Variants in DSCAM observed in about 807,000 individuals in gnomAD.
DSCAM encodes DS cell adhesion molecule, also known as cell adhesion molecule DSCAM.
A neutral mutation model predicts 217.7 loss-of-function variants in DSCAM; 47 were observed. The ratio of observed to expected loss-of-function variants is 0.22; its 90% CI spans 0.17 to 0.28. The LOEUF is 0.28. Among genes scored for constraint, DSCAM ranks in the 10% least tolerant of loss-of-function variants. The probability of loss-of-function intolerance (pLI) is 1.00; values close to 1 mark genes in which losing one functional copy is unlikely to be tolerated. For synonymous variants in DSCAM, 1,056 were observed against 1,015.3 expected (o/e 1.04, Z -0.76); for missense variants, 2,080 against 2,618.3 (o/e 0.79, Z 4.49).
At chr21:40,760,141 A>T (rs1180020536) in intron 1 of DSCAM, among the ~76,000 whole-genome samples, 2 of 151,868 alleles carry the variant, frequency 1.3e-5, no homozygotes, top group African/African-American at 4.8e-5. Flanking sequence ...CTACAGGTGC[A>T]TGCCACCACA....
intron 4 of DSCAM, among the ~76,000 whole-genome samples, chr21:40,364,304 T>A (rs1028568460): frequency 6.6e-6 from 1 of 151,908 alleles, no homozygotes; most frequent in African/African-American, 2.4e-5. Flanking sequence ...ATAGACTGGA[T>A]TAAGAAAAAG....
At chr21:40,161,412 GT>G (rs1014023164) in intron 16 of DSCAM, among the ~76,000 whole-genome samples, 18 of 140,678 alleles carry the variant, frequency 1.3e-4, no homozygotes, top group South Asian at 2.3e-4. Context: ...AAAGTCCACA[GT>G]TTTTTTTTTA....
chr21:40,037,118 C>T (rs2088640684), intron 32 of DSCAM, among the ~76,000 whole-genome samples: 1 of 149,952 alleles, frequency 6.7e-6, no homozygotes, highest in African/African-American at 2.5e-5. Context: ...GACAGGGATG[C>T]CCTCTCTCAC....
intron 17 of DSCAM, among the ~76,000 whole-genome samples, chr21:40,143,569 A>T (rs1243470980): frequency 6.6e-6 from 1 of 152,228 alleles, no homozygotes; most frequent in Admixed American, 6.5e-5. Flanking sequence ...AGGCGGGCAG[A>T]TCACGAGGTC....
rs571627853 is a variant in DSCAM at position 40,442,568 on chromosome 21, G to A, written c.509-73323C>T. Among the ~76,000 whole-genome samples the A allele has an allele frequency of 3.0e-3, 408 of 137,022 alleles. 1 individual carries two copies. Among genetic ancestry groups the A allele is most frequent in the Non-Finnish European group, 4.7e-3 (306 of 65,652 alleles). 89.9% of individuals were successfully genotyped at this position (137,022 alleles called of 152,430 possible). A position where few individuals can be genotyped will look rare whatever the true frequency, so the allele number is the denominator to read the frequency against. On this transcript the variant is annotated intron_variant, in intron 3 of 32. Transcript: ENST00000400454. ...TGGGTCTCGCTCTGTCACCCAGGCC[G>A]GAGTGCAGTGGCACGATCTCGGCTC... is the stretch of plus-strand genomic sequence containing the variant.
At chr21:40,366,352 T>C (rs1981584891) in intron 4 of DSCAM, among the ~76,000 whole-genome samples, 1 of 152,154 alleles carries the variant, frequency 6.6e-6, no homozygotes, top group Non-Finnish European at 1.5e-5. Context: ...CTTAATATTT[T>C]TGATTTCCCA....
At position 40,175,793 on chromosome 21, in the gene DSCAM, A is replaced by ACG. The variant is rs1005080939; in HGVS notation, c.2947+3133_2947+3134insCG. Among the ~76,000 whole-genome samples, 4 of 105,214 alleles carry ACG rather than the reference A, an allele frequency of 3.8e-5. 1 individual carries two copies. The highest frequency in any genetic ancestry group is 1.5e-4 in the African/African-American group (4 of 27,072). 69.0% of individuals were successfully genotyped at this position (105,214 alleles called of 152,430 possible). Reference sequence around the variant, plus strand: ...TCAACACACACATACACACACACACACACACACACACACACGCACACACAC... The same window carrying ACG: ...TCAACACACACATACACACACACACACGCACACACACACACACGCACACACAC... On this transcript the variant is annotated intron_variant, in intron 15 of 32. Transcript: ENST00000400454.
At chr21:40,121,048 T>C (rs530471117) in intron 20 of DSCAM, among the ~76,000 whole-genome samples, 1 of 152,260 alleles carries the variant, frequency 6.6e-6, no homozygotes, top group African/African-American at 2.4e-5. Context: ...CCCCCTATGT[T>C]CTACATTTAA....
At chr21:40,772,779 C>T (rs56092570) in intron 1 of DSCAM, among the ~76,000 whole-genome samples, 14,204 of 152,262 alleles carry the variant, frequency 0.093, 742 homozygotes, top group African/African-American at 0.11. Flanking sequence ...ACGCAAATCA[C>T]GTCCTCTCGT....
chr21:40,706,273 A>G (rs1239056118), intron 2 of DSCAM, among the ~76,000 whole-genome samples: 1 of 152,134 alleles, frequency 6.6e-6, no homozygotes, highest in Non-Finnish European at 1.5e-5. Flanking sequence ...GCCCAGGATC[A>G]GGCGGCTCAT....
intron 3 of DSCAM, among the ~76,000 whole-genome samples, chr21:40,398,350 G>T (rs1764906005): frequency 6.6e-6 from 1 of 152,100 alleles, no homozygotes; most frequent in South Asian, 2.1e-4. Context: ...ACTCCAAATG[G>T]TTCCCAACAG....
intron 3 of DSCAM, among the ~76,000 whole-genome samples, chr21:40,628,597 A>C (rs2089635523): frequency 6.6e-6 from 1 of 152,194 alleles, no homozygotes; most frequent in South Asian, 2.1e-4. Flanking sequence ...CACAAAACCT[A>C]AAATATCTAG....
intron 3 of DSCAM, among the ~76,000 whole-genome samples, chr21:40,585,179 CTTT>C (rs11304632): frequency 6.9e-6 from 1 of 145,914 alleles, no homozygotes; most frequent in Admixed American, 6.8e-5. Flanking sequence ...AAATCAACTT[CTTT>C]TTTTTTTTTT....
intron 4 of DSCAM, among the ~76,000 whole-genome samples, chr21:40,361,529 G>C (rs983994989): frequency 6.6e-6 from 1 of 152,116 alleles, no homozygotes; most frequent in African/African-American, 2.4e-5. Flanking sequence ...TGAGGCAGGG[G>C]AATCACTTGA....
intron 1 of DSCAM, among the ~76,000 whole-genome samples, chr21:40,805,226 T>G (rs2091775295): frequency 1.3e-5 from 2 of 152,216 alleles, no homozygotes; most frequent in African/African-American, 4.8e-5. Context: ...ATGAGCCAAG[T>G]ATCTCTTAAA....
chr21:40,763,737 C>G (rs2091359531), intron 1 of DSCAM, among the ~76,000 whole-genome samples: 1 of 152,212 alleles, frequency 6.6e-6, no homozygotes, highest in Non-Finnish European at 1.5e-5. Flanking sequence ...GTTCTGGTAT[C>G]AAAACAGATA....
At chr21:40,086,025 C>A (rs1004866048) in intron 22 of DSCAM, among the ~76,000 whole-genome samples, 11 of 152,316 alleles carry the variant, frequency 7.2e-5, no homozygotes, top group African/African-American at 2.6e-4. Context: ...TCAGTGGACT[C>A]CTCATCTGTG....
At chr21:40,529,885 G>A (rs2146105987) in intron 3 of DSCAM, among the ~76,000 whole-genome samples, 1 of 152,206 alleles carries the variant, frequency 6.6e-6, no homozygotes, top group Middle Eastern at 3.4e-3. Flanking sequence ...TAGAAAGTCA[G>A]TTACAGGAGG....
At chr21:40,375,718 C>T (rs2074943647) in intron 3 of DSCAM, among the ~76,000 whole-genome samples, 1 of 152,212 alleles carries the variant, frequency 6.6e-6, no homozygotes, top group Non-Finnish European at 1.5e-5. Flanking sequence ...TAGAACAGTA[C>T]TTGGCTATGA....
Sources: gnomAD v4.1 joint callset for allele counts (sites outside exome capture counted in the v4.1 genomes callset) on GRCh38, gnomAD v4.1.1 for gene constraint, MANE v1.5 for transcripts, NCBI Gene and HGNC (gene_info 2026-07-23, HGNC 2026-07-21) for gene names.